The following LHFPL3 variants were observed in gnomAD, a reference collection of about 807,000 sequenced individuals.
LHFPL3 encodes the protein LHFPL tetraspan subfamily member 3 protein.
Under a neutral mutation model 19.3 loss-of-function variants are expected in LHFPL3, and 5 were observed. The ratio of observed to expected loss-of-function variants is 0.26; its 90% CI spans 0.14 to 0.54. The LOEUF (loss-of-function observed/expected upper bound fraction) is 0.54. Ranked by LOEUF, LHFPL3 falls within the 20% of genes least tolerant of loss-of-function variation. The pLI, the probability that LHFPL3 is intolerant of heterozygous loss-of-function variation, is 0.94. For synonymous variants in LHFPL3, 133 were observed against 126.2 expected (o/e 1.05, Z -0.36); for missense variants, 249 against 307.4 (o/e 0.81, Z 1.42).
chr7:104,586,328 G>T (rs1370350860), intron 1 of LHFPL3, among the ~76,000 whole-genome samples: 1 of 151,972 alleles, frequency 6.6e-6, no homozygotes. Flanking sequence ...TCATTTTAGG[G>T]TGCCAAAAAC....
At chr7:104,630,875 T>G (rs533696792) in intron 1 of LHFPL3, among the ~76,000 whole-genome samples, 115 of 152,112 alleles carry the variant, frequency 7.6e-4, no homozygotes, top group Non-Finnish European at 1.3e-3. Context: ...TCAGTTTGAG[T>G]GTCCAAGGAA....
intron 1 of LHFPL3, among the ~76,000 whole-genome samples, chr7:104,691,952 G>T (rs376442597): frequency 1.2e-4 from 18 of 152,254 alleles, no homozygotes; most frequent in African/African-American, 2.9e-4. Flanking sequence ...AAGTCAGGCT[G>T]ATGTGATCTC....
intron 1 of LHFPL3, among the ~76,000 whole-genome samples, chr7:104,513,765 G>T (rs1263799611): frequency 2.0e-5 from 3 of 152,186 alleles, no homozygotes; most frequent in Non-Finnish European, 2.9e-5. Context: ...CCATCCCCAA[G>T]AATTCTGATT....
intron 1 of LHFPL3, among the ~76,000 whole-genome samples, chr7:104,584,469 T>A (rs1468689008): frequency 7.3e-5 from 11 of 151,368 alleles, no homozygotes; most frequent in Admixed American, 2.0e-4. Flanking sequence ...AATAATAAAA[T>A]TTTTTAAAAA....
intron 1 of LHFPL3, among the ~76,000 whole-genome samples, chr7:104,732,739 A>G (rs553329355): frequency 3.3e-5 from 5 of 151,942 alleles, no homozygotes; most frequent in Admixed American, 6.6e-5. Context: ...TTCTGCTCTC[A>G]TCTTAGTTAT....
intron 2 of LHFPL3, among the ~76,000 whole-genome samples, chr7:104,805,809 C>G (rs1426268573): frequency 6.6e-6 from 1 of 152,206 alleles, no homozygotes; most frequent in Non-Finnish European, 1.5e-5. Context: ...ATACCATCTA[C>G]AGTTTTTAGT....
intron 1 of LHFPL3, among the ~76,000 whole-genome samples, chr7:104,650,196 T>G (rs1295497512): frequency 6.6e-6 from 1 of 152,168 alleles, no homozygotes; most frequent in Non-Finnish European, 1.5e-5. Flanking sequence ...CATGTTCTGG[T>G]GCAATGAACA....
chr7:104,470,175 T>C (rs1000310238), intron 1 of LHFPL3: 1 of 411,366 alleles, frequency 2.4e-6, no homozygotes, highest in Non-Finnish European at 5.0e-6. Context: ...TCTTAGGATC[T>C]GGCCACATAT....
At chr7:104,802,491 CAAAAAAAAAAAAAA>C (rs920866759) in intron 2 of LHFPL3, among the ~76,000 whole-genome samples, 3 of 65,510 alleles carry the variant, frequency 4.6e-5, no homozygotes, top group African/African-American at 1.2e-4. Flanking sequence ...AACCCTATCT[CAAAAAAAAAAAAAA>C]AAAAAAAAAA....
At chr7:104,604,581 C>A (rs896563900) in intron 1 of LHFPL3, among the ~76,000 whole-genome samples, 2 of 152,198 alleles carry the variant, frequency 1.3e-5, no homozygotes, top group African/African-American at 4.8e-5. Context: ...CAAATCTTTC[C>A]ATTTTGCTTC....
At position 104,726,289 on chromosome 7, in the gene LHFPL3, T is replaced by G. The variant is rs571953537; in HGVS notation, c.446-10386T>G. ...ACGTATTTTAGTGCCTACTATGTAG[T>G]TGCACTATTTTAGATGCTATGTATA... On this transcript the variant is annotated intron_variant, in intron 1 of 2. Transcript: ENST00000424859. 2.3e-3 allele frequency among the ~76,000 whole-genome samples: 352 copies of G among 152,204 alleles called. 1 individual carries two copies. Among genetic ancestry groups the G allele is most frequent in the Non-Finnish European group, 4.5e-3 (303 of 68,014 alleles).
chr7:104,639,746 C>A (rs1366191512), intron 1 of LHFPL3, among the ~76,000 whole-genome samples: 2 of 152,154 alleles, frequency 1.3e-5, no homozygotes, highest in Admixed American at 6.5e-5. Context: ...CACATATATT[C>A]ATGATTAATA....
At chr7:104,848,883 CTTTT>C (rs1412775916) in intron 2 of LHFPL3, among the ~76,000 whole-genome samples, 1 of 151,692 alleles carries the variant, frequency 6.6e-6, no homozygotes. Flanking sequence ...AGAACTCTGC[CTTTT>C]TTTGTTTTTT....
chr7:104,770,885 A>G (rs1794538923), intron 2 of LHFPL3, among the ~76,000 whole-genome samples: 1 of 152,108 alleles, frequency 6.6e-6, no homozygotes, highest in South Asian at 2.1e-4. Flanking sequence ...CAACTTGCAT[A>G]TTGTGCCCCA....
chr7:104,725,769 C>T (rs183875564), intron 1 of LHFPL3, among the ~76,000 whole-genome samples: 26 of 152,134 alleles, frequency 1.7e-4, no homozygotes, highest in Admixed American at 3.3e-4. Context: ...GAATTATTCT[C>T]GGCAGGGCGC....
At chr7:104,628,825 T>C (rs946040569) in intron 1 of LHFPL3, among the ~76,000 whole-genome samples, 14 of 152,174 alleles carry the variant, frequency 9.2e-5, no homozygotes, top group East Asian at 5.8e-4. Flanking sequence ...TCTCCTCTCA[T>C]TGAGTGCCTT....
At chr7:104,894,270 A>G (rs1203154190) in intron 2 of LHFPL3, among the ~76,000 whole-genome samples, 3 of 152,262 alleles carry the variant, frequency 2.0e-5, no homozygotes, top group Non-Finnish European at 4.4e-5. Flanking sequence ...GCAGGATTGC[A>G]TAACATAATG....
intron 2 of LHFPL3, among the ~76,000 whole-genome samples, chr7:104,824,715 TA>T (rs1790781307): frequency 1.0e-5 from 1 of 100,280 alleles, no homozygotes. Context: ...TATATATAAT[TA>T]TATATATATT....
At chr7:104,496,109 T>C (rs577319866) in intron 1 of LHFPL3, among the ~76,000 whole-genome samples, 5 of 152,310 alleles carry the variant, frequency 3.3e-5, no homozygotes. Context: ...CCTAATGCTA[T>C]CCCTCCTCCT....
Sources: gnomAD v4.1 joint callset for allele counts (sites outside exome capture counted in the v4.1 genomes callset) on GRCh38, gnomAD v4.1.1 for gene constraint, MANE v1.5 for transcripts, NCBI Gene and HGNC (gene_info 2026-07-23, HGNC 2026-07-21) for gene names.